The following ARHGAP12 variants were observed in gnomAD, a reference collection of about 807,000 sequenced individuals.
The protein encoded by ARHGAP12 is Rho GTPase activating protein 12.
ARHGAP12 carries 64 observed loss-of-function variants against 108.6 expected under a neutral mutation model. The observed-to-expected ratio is 0.59, with a 90% CI of 0.48 to 0.73. The LOEUF (loss-of-function observed/expected upper bound fraction) is 0.73, where lower values mean the gene tolerates loss of function less well. ARHGAP12 is among the 30% of genes least tolerant of loss of function. The pLI is 0.00. For synonymous variants in ARHGAP12, 312 were observed against 337.2 expected (o/e 0.93, Z 0.82); for missense variants, 940 against 1,005.9 (o/e 0.93, Z 0.89).
Position 31,908,699 on chromosome 10 carries a change from C to T in ARHGAP12, c.157G>A (p.Val53Ile), listed in dbSNP as rs766500384. Residue 53 changes from valine (V) to isoleucine (I), a missense_variant, in exon 3 of 20, where the codon GTC (valine) becomes ATC (isoleucine). Physicochemically the swap from Val to Ile is conservative, Grantham distance 29 (BLOSUM62 3). Transcript: ENST00000344936. ...VKKTNDDWWQ[V>I]KPDENSKAFY... is the part of the protein sequence containing the mutation. ...GCTTTGGAGTTTTCATCTGGCTTGA[C>T]TTGCCACCAGTCATCATTGGTCTTT... The T allele has an allele frequency of 1.2e-6, 2 of 1,614,150 alleles. No homozygotes were observed. Among genetic ancestry groups the T allele is most frequent in the Non-Finnish European group, 1.7e-6 (2 of 1,180,022 alleles).
At chr10:31,812,412 T>A (rs1835055501) in intron 15 of ARHGAP12, among the ~76,000 whole-genome samples, 1 of 152,192 alleles carries the variant, frequency 6.6e-6, no homozygotes, top group Admixed American at 6.5e-5. Context: ...ATCTCAAAAC[T>A]AAACTTTTCA....
intron 3 of ARHGAP12, among the ~76,000 whole-genome samples, chr10:31,880,902 A>C (rs974033165): frequency 6.6e-6 from 1 of 151,802 alleles, no homozygotes; most frequent in African/African-American, 2.4e-5. Flanking sequence ...TCTACCAAAA[A>C]AAAAAAAAAA....
At chr10:31,829,524 A>G (rs1835754214) in intron 10 of ARHGAP12, among the ~76,000 whole-genome samples, 1 of 152,218 alleles carries the variant, frequency 6.6e-6, no homozygotes, top group African/African-American at 2.4e-5. Flanking sequence ...AGAAAGTAGA[A>G]CTTTGGAACA....
At chr10:31,819,579 T>C (rs966734850) in intron 12 of ARHGAP12, among the ~76,000 whole-genome samples, 59 of 152,164 alleles carry the variant, frequency 3.9e-4, no homozygotes, top group African/African-American at 1.3e-3. Context: ...ATCTAGGCCC[T>C]GAGAAGCCCT....
intron 3 of ARHGAP12, among the ~76,000 whole-genome samples, chr10:31,907,223 G>A (rs968961166): frequency 1.3e-5 from 2 of 152,020 alleles, no homozygotes; most frequent in African/African-American, 4.8e-5. Flanking sequence ...CTTAAAGTTA[G>A]ACTTTTCAAA....
intron 12 of ARHGAP12, 65 bp downstream of exon 12, chr10:31,820,322 T>G: frequency 7.6e-7 from 1 of 1,314,700 alleles, no homozygotes; most frequent in Non-Finnish European, 1.0e-6. Flanking sequence ...CCAAAATAGC[T>G]CAAAAAACAG....
chr10:31,890,537 C>CTACG (rs1341843187), intron 3 of ARHGAP12, among the ~76,000 whole-genome samples: 1 of 152,122 alleles, frequency 6.6e-6, no homozygotes, highest in Non-Finnish European at 1.5e-5. Context: ...AGTAGGAAGT[C>CTACG]TACGGTAAGA....
At chr10:31,878,163 C>T (rs778872190) in intron 3 of ARHGAP12, among the ~76,000 whole-genome samples, 1 of 151,920 alleles carries the variant, frequency 6.6e-6, no homozygotes, top group African/African-American at 2.4e-5. Context: ...AACACAGATA[C>T]AAAAGGTAAA....
chr10:31,870,191 T>C (rs1159085749), intron 3 of ARHGAP12, among the ~76,000 whole-genome samples: 3 of 152,040 alleles, frequency 2.0e-5, no homozygotes, highest in Admixed American at 2.0e-4. Flanking sequence ...TTTTGTAATT[T>C]AGCTGCTTAA....
intron 12 of ARHGAP12, among the ~76,000 whole-genome samples, chr10:31,820,105 A>G (rs1233033725): frequency 6.6e-6 from 1 of 151,956 alleles, no homozygotes; most frequent in Non-Finnish European, 1.5e-5. Context: ...TTTTAATATT[A>G]GATTTGGTAA....
rs569806848 is a variant in ARHGAP12 at position 31,880,435 on chromosome 10, C to T, written c.685-18777G>A. Among the ~76,000 whole-genome samples the T allele has an allele frequency of 4.7e-4, 72 of 151,866 alleles. 1 individual carries two copies. Among genetic ancestry groups the T allele is most frequent in the Non-Finnish European group, 8.2e-4 (56 of 67,974 alleles). On this transcript the variant is annotated intron_variant, in intron 3 of 19. Coordinates refer to ENST00000344936, the MANE Select transcript of ARHGAP12 (RefSeq NM_018287.7). ...ACCAGGCTAGACAACACAGTGAAAC[C>T]CCATCTCTATAGAAAAACAAACAAA...
At chr10:31,818,461 T>C (rs1835289448) in intron 12 of ARHGAP12, among the ~76,000 whole-genome samples, 1 of 152,238 alleles carries the variant, frequency 6.6e-6, no homozygotes, top group African/African-American at 2.4e-5. Flanking sequence ...AAGAATACTA[T>C]GTTTATTCTA....
chr10:31,911,428 C>A (rs552640546), intron 1 of ARHGAP12, among the ~76,000 whole-genome samples: 4 of 152,306 alleles, frequency 2.6e-5, no homozygotes, highest in East Asian at 3.9e-4. Context: ...AATTTTCCCA[C>A]TTCAGCCTCC....
chr10:31,853,995 A>G, intron 5 of ARHGAP12, 71 bp downstream of exon 5: 1 of 1,436,982 alleles, frequency 7.0e-7, no homozygotes, highest in South Asian at 1.4e-5. Context: ...TTAAATACTA[A>G]AACTGCAGTA....
At chr10:31,862,696 GCACACACAGACACACA>G (rs1480847639) in intron 3 of ARHGAP12, among the ~76,000 whole-genome samples, 1,289 of 122,246 alleles carry the variant, frequency 0.011, 15 homozygotes, top group African/African-American at 0.024. Flanking sequence ...AGTGGCGCAT[GCACACACAGACACACA>G]CACACACACA....
At chr10:31,838,908 G>T (rs964693731) in intron 9 of ARHGAP12, among the ~76,000 whole-genome samples, 1 of 151,920 alleles carries the variant, frequency 6.6e-6, no homozygotes, top group South Asian at 2.1e-4. Context: ...AGGCTGAGAC[G>T]GGAGAATCAC....
chr10:31,902,138 T>C (rs370127648), intron 3 of ARHGAP12, among the ~76,000 whole-genome samples: 40 of 152,300 alleles, frequency 2.6e-4, no homozygotes, highest in African/African-American at 9.1e-4. Flanking sequence ...TCGATACTTA[T>C]TGTATAGCTA....
chr10:31,857,921 T>A (rs1358730142), intron 4 of ARHGAP12, among the ~76,000 whole-genome samples: 8 of 152,226 alleles, frequency 5.3e-5, no homozygotes, highest in African/African-American at 1.9e-4. Flanking sequence ...CATGTACTTA[T>A]GGCTGGGCAC....
intron 10 of ARHGAP12, among the ~76,000 whole-genome samples, chr10:31,830,045 A>G (rs888221416): frequency 6.6e-6 from 1 of 152,240 alleles, no homozygotes; most frequent in Admixed American, 6.5e-5. Context: ...CTTCTCATGG[A>G]AATTTTTTGT....
Sources: allele counts gnomAD v4.1 joint callset (sites outside exome capture counted in the v4.1 genomes callset), GRCh38; gene constraint gnomAD v4.1.1; transcripts MANE v1.5; gene names NCBI Gene and HGNC (gene_info 2026-07-23, HGNC 2026-07-21).